GUCY1A2: variants seen among roughly 807,000 people sequenced by gnomAD.
The protein encoded by GUCY1A2 is guanylate cyclase 1 soluble subunit alpha 2.
GUCY1A2 carries 27 observed loss-of-function variants against 63.5 expected under a neutral mutation model. The ratio of observed to expected loss-of-function variants is 0.43; its 90% CI spans 0.31 to 0.59. The LOEUF (loss-of-function observed/expected upper bound fraction) is 0.59. Ranked by LOEUF, GUCY1A2 falls within the 20% of genes least tolerant of loss-of-function variation. The probability of loss-of-function intolerance (pLI) is 0.11; values close to 1 mark genes in which losing one functional copy is unlikely to be tolerated. For missense variants in GUCY1A2, 768 were observed against 913.3 expected (o/e 0.84, Z 2.05); for synonymous variants, 364 against 343.5 (o/e 1.06, Z -0.66).
At chr11:106,831,986 C>T (rs1436692383) in intron 4 of GUCY1A2, among the ~76,000 whole-genome samples, 1 of 152,122 alleles carries the variant, frequency 6.6e-6, no homozygotes, top group Non-Finnish European at 1.5e-5. Context: ...TATTCACTCT[C>T]ATTTTAATTA....
chr11:106,761,860 G>A (rs1049957255), intron 6 of GUCY1A2, among the ~76,000 whole-genome samples: 1 of 152,058 alleles, frequency 6.6e-6, no homozygotes, highest in African/African-American at 2.4e-5. Flanking sequence ...CAGTTAAAAT[G>A]AAGAGAAAAA....
At chr11:106,702,941 C>T (rs1862842935) in intron 7 of GUCY1A2, among the ~76,000 whole-genome samples, 1 of 152,076 alleles carries the variant, frequency 6.6e-6, no homozygotes, top group East Asian at 1.9e-4. Context: ...TTGGGTGTAT[C>T]TTTGAGAGTG....
intron 6 of GUCY1A2, among the ~76,000 whole-genome samples, chr11:106,714,965 A>G (rs1215857118): frequency 2.0e-5 from 3 of 151,604 alleles, no homozygotes; most frequent in Non-Finnish European, 4.4e-5. Flanking sequence ...AGCATAGTAG[A>G]CTTTATTTTA....
chr11:106,796,061 A>G (rs1864753386), intron 5 of GUCY1A2, among the ~76,000 whole-genome samples: 1 of 152,094 alleles, frequency 6.6e-6, no homozygotes, highest in Non-Finnish European at 1.5e-5. Context: ...ACCATTACGT[A>G]ATGGCCTTCT....
At chr11:106,760,033 G>A (rs1185148622) in intron 6 of GUCY1A2, among the ~76,000 whole-genome samples, 8 of 149,398 alleles carry the variant, frequency 5.4e-5, no homozygotes, top group Non-Finnish European at 1.2e-4. Flanking sequence ...GGAACTACCA[G>A]AATCTAGTAA....
intron 7 of GUCY1A2, among the ~76,000 whole-genome samples, chr11:106,693,927 T>G (rs559451851): frequency 3.9e-5 from 6 of 152,284 alleles, no homozygotes; most frequent in African/African-American, 1.4e-4. Context: ...TTTGCTTTTT[T>G]GTTTTGGTCT....
At chr11:106,918,582 G>C (rs551008840) in intron 4 of GUCY1A2, among the ~76,000 whole-genome samples, 1 of 144,770 alleles carries the variant, frequency 6.9e-6, no homozygotes, top group Admixed American at 6.9e-5. Flanking sequence ...TACACACACA[G>C]AGACATTACA....
In GUCY1A2 at chr11:106,725,334, G is replaced by A. The variant is rs1419154892; in HGVS notation, c.1837-16668C>T. Among the ~76,000 whole-genome samples the A allele has an allele frequency of 9.3e-5, 6 of 64,848 alleles. 1 individual carries two copies. The highest frequency in any genetic ancestry group is 5.4e-4 in the South Asian group (1 of 1,850). The allele number at this position is 64,848 out of a possible 152,430, so 42.5% of individuals were successfully genotyped here. ...ACTACAGGCGCCCGCCACTACGCCCGGCTAATTTTTTGTATTTTTAGTAGA... is the reference window on the plus strand; with the variant it reads ...ACTACAGGCGCCCGCCACTACGCCCAGCTAATTTTTTGTATTTTTAGTAGA... On this transcript the variant is annotated intron_variant, in intron 6 of 7. Coordinates refer to ENST00000526355, the MANE Select transcript of GUCY1A2 (RefSeq NM_000855.3).
At chr11:106,810,803 TC>T (rs983214012) in intron 4 of GUCY1A2, among the ~76,000 whole-genome samples, 12 of 152,102 alleles carry the variant, frequency 7.9e-5, no homozygotes, top group African/African-American at 2.9e-4. Context: ...ATGAGCCAAT[TC>T]AAAAGCTTTC....
intron 4 of GUCY1A2, among the ~76,000 whole-genome samples, chr11:106,896,740 G>C (rs1008779563): frequency 2.0e-5 from 3 of 152,152 alleles, no homozygotes; most frequent in African/African-American, 7.2e-5. Context: ...TGAAAGCAGA[G>C]AGCATCCCTC....
chr11:106,799,230 C>T (rs918915535), intron 5 of GUCY1A2, among the ~76,000 whole-genome samples: 2 of 152,226 alleles, frequency 1.3e-5, no homozygotes, highest in Middle Eastern at 6.8e-3. Context: ...CAAACCACTG[C>T]TCAATGAAAT....
chr11:106,816,525 C>T (rs1037336759), intron 4 of GUCY1A2, among the ~76,000 whole-genome samples: 1 of 151,310 alleles, frequency 6.6e-6, no homozygotes, highest in African/African-American at 2.4e-5. Flanking sequence ...AATCAATAAT[C>T]TAAGTGTCTA....
chr11:106,804,696 G>C (rs1275145632), intron 5 of GUCY1A2, among the ~76,000 whole-genome samples: 1 of 152,140 alleles, frequency 6.6e-6, no homozygotes, highest in African/African-American at 2.4e-5. Flanking sequence ...AAAACTCTAT[G>C]TCAGAAACAT....
At chr11:106,754,869 T>C (rs1863946167) in intron 6 of GUCY1A2, among the ~76,000 whole-genome samples, 1 of 152,320 alleles carries the variant, frequency 6.6e-6, no homozygotes. Context: ...GCTGGCCTCA[T>C]AAAATGAGTT....
chr11:106,768,348 TA>T (rs5794495), intron 6 of GUCY1A2, among the ~76,000 whole-genome samples: 57,748 of 151,844 alleles, frequency 0.38, 11,319 homozygotes, highest in Admixed American at 0.45. Context: ...TTGGATGGAA[TA>T]CCTTTAAAAT....
intron 3 of GUCY1A2, among the ~76,000 whole-genome samples, chr11:106,974,887 A>G (rs1484947916): frequency 6.6e-6 from 1 of 152,178 alleles, no homozygotes; most frequent in Non-Finnish European, 1.5e-5. Flanking sequence ...AGCAATACTT[A>G]GCAAATAACT....
At chr11:106,690,065 G>T (rs1426330648) in intron 7 of GUCY1A2, among the ~76,000 whole-genome samples, 1 of 151,934 alleles carries the variant, frequency 6.6e-6, no homozygotes, top group Non-Finnish European at 1.5e-5. Context: ...TGTATACACA[G>T]TTGTTGGGAA....
chr11:106,747,424 C>A (rs1338001254), intron 6 of GUCY1A2, among the ~76,000 whole-genome samples: 1 of 152,144 alleles, frequency 6.6e-6, no homozygotes, highest in Non-Finnish European at 1.5e-5. Flanking sequence ...CACAAGACAC[C>A]AATTGACTTG....
intron 3 of GUCY1A2, among the ~76,000 whole-genome samples, chr11:106,941,310 C>G (rs139084831): frequency 6.6e-6 from 1 of 152,016 alleles, no homozygotes; most frequent in Non-Finnish European, 1.5e-5. Context: ...TGTATTCTAT[C>G]GTAATAAGAA....
Sources: allele counts gnomAD v4.1 joint callset (sites outside exome capture counted in the v4.1 genomes callset), GRCh38; gene constraint gnomAD v4.1.1; transcripts MANE v1.5; gene names NCBI Gene and HGNC (gene_info 2026-07-23, HGNC 2026-07-21).